GLRB: variants seen among roughly 807,000 people sequenced by gnomAD.
GLRB encodes the protein glycine receptor subunit beta.
Under a neutral mutation model 54.2 loss-of-function variants are expected in GLRB, and 33 were observed. The observed-to-expected ratio is 0.61, with a 90% confidence interval of 0.46 to 0.81. GLRB has a LOEUF of 0.81. GLRB is among the 40% of genes least tolerant of loss of function. The pLI is 0.00. For missense variants in GLRB, 572 were observed against 584.6 expected, an observed-to-expected ratio of 0.98 and a Z score of 0.22; for synonymous variants, 209 against 208.2, an observed-to-expected ratio of 1.00 and a Z score of -0.03.
intron 5 of GLRB, 41 bp from the exon 6 acceptor site, chr4:157,136,763 A>G: frequency 3.3e-6 from 5 of 1,497,164 alleles, no homozygotes; most frequent in Non-Finnish European, 4.7e-6. Flanking sequence ...GATGACAGAG[A>G]AGTATATTAA....
chr4:157,171,055 T>C lies in GLRB; in HGVS notation c.*327T>C, dbSNP rs1196601064. ...AGATAATTCTGATAATAAAATGATA[T>C]GCACGCTGAATCCTGCTATGGTCAC... On this transcript the variant is annotated 3_prime_UTR_variant, in exon 10 of 10. Coordinates refer to ENST00000264428, the MANE Select transcript of GLRB (RefSeq NM_000824.5). 1 of 175,952 alleles carries C rather than the reference T, an allele frequency of 5.7e-6. No individual in the cohort carries two copies. Among genetic ancestry groups the C allele is most frequent in the Non-Finnish European group, 1.2e-5 (1 of 83,286 alleles). 10.9% of individuals were successfully genotyped at this position (175,952 alleles called of 1,614,324 possible). A position where few individuals can be genotyped will look rare whatever the true frequency, so the allele number is the denominator to read the frequency against.
intron 3 of GLRB, 34 bp downstream of exon 3, chr4:157,120,696 T>C: frequency 1.0e-6 from 1 of 983,358 alleles, no homozygotes; most frequent in Non-Finnish European, 1.6e-6. Flanking sequence ...TCATTTTTAT[T>C]GTTTAAAAAT....
intron 2 of GLRB, among the ~76,000 whole-genome samples, chr4:157,107,608 C>T (rs1156834955): frequency 1.3e-5 from 2 of 152,148 alleles, no homozygotes; most frequent in East Asian, 3.9e-4. Flanking sequence ...AGTAAGGAAG[C>T]TGCAGAAGAA....
chr4:157,136,573 GTACAAGT>G lies in GLRB; in HGVS notation c.403_409del (p.Tyr135ValfsTer20). ...ATGCACTGACAGTGGATCCAACAAT[GTACAAGT>G]GTTTATGGAAACCTGATTTATTTTT... On this transcript the variant is annotated frameshift_variant, in exon 5 of 10. Transcript: ENST00000264428. LOFTEE classifies it high-confidence loss of function. The G allele has an allele frequency of 6.2e-7, 1 of 1,611,770 alleles. No individual in the cohort carries two copies. Among genetic ancestry groups the G allele is most frequent in the African/African-American group, 1.3e-5 (1 of 74,984 alleles).
At chr4:157,076,998 C>T (rs1196893854) in intron 1 of GLRB, among the ~76,000 whole-genome samples, 1 of 70,096 alleles carries the variant, frequency 1.4e-5, no homozygotes, top group Non-Finnish European at 3.0e-5. Flanking sequence ...AGATGAAAAA[C>T]ATGACATAAG....
At chr4:157,154,586 T>C (rs548994042) in intron 9 of GLRB, among the ~76,000 whole-genome samples, 1 of 151,752 alleles carries the variant, frequency 6.6e-6, no homozygotes, top group African/African-American at 2.4e-5. Flanking sequence ...TGCCACCATG[T>C]CTGGCTAATT....
intron 9 of GLRB, among the ~76,000 whole-genome samples, chr4:157,157,024 C>T (rs569099571): frequency 3.3e-5 from 5 of 152,264 alleles, no homozygotes; most frequent in African/African-American, 9.6e-5. Context: ...CAGGGTAGAG[C>T]TCCTTGATAC....
intron 9 of GLRB, among the ~76,000 whole-genome samples, chr4:157,158,151 G>T (rs1737310834): frequency 1.3e-5 from 2 of 152,024 alleles, no homozygotes; most frequent in South Asian, 4.1e-4. Flanking sequence ...AGAAGTGTCT[G>T]TTCATATCCT....
intron 2 of GLRB, among the ~76,000 whole-genome samples, chr4:157,103,099 G>A (rs1023109956): frequency 3.3e-5 from 5 of 150,016 alleles, no homozygotes; most frequent in Non-Finnish European, 7.4e-5. Flanking sequence ...GTGGTAAGCT[G>A]AGATCACGCC....
In GLRB at chr4:157,138,890, T is replaced by C. The variant is rs763516130; in HGVS notation, c.692T>C (p.Phe231Ser). 8.0e-6 allele frequency: 12 copies of C among 1,503,810 alleles called. No individual in the cohort carries two copies. The highest frequency in any genetic ancestry group is 1.0e-5 in the Non-Finnish European group (11 of 1,080,456). The allele number at this position is 1,503,810 out of a possible 1,614,324, so 93.2% of individuals were successfully genotyped here. ...TTAGAAAAAATTGCCTTGCCTCAAT[T>C]TGATATCAAAAAGGAAGATATTGAA... is the stretch of plus-strand genomic sequence containing the variant. Reference protein sequence around the residue: ...VQLEKIALPQFDIKKEDIEYG... With the variant: ...VQLEKIALPQSDIKKEDIEYG... Residue 231 changes from phenylalanine to serine, a missense_variant, in exon 7 of 10, where the codon TTT becomes TCT. Transcript: ENST00000264428.
intron 9 of GLRB, among the ~76,000 whole-genome samples, chr4:157,168,494 G>GA (rs941318612): frequency 2.6e-4 from 40 of 150,994 alleles, no homozygotes; most frequent in Middle Eastern, 3.4e-3. Flanking sequence ...AAACTGTCTA[G>GA]AAAAAAAAAT....
chr4:157,109,196 G>A (rs187527724), intron 2 of GLRB, among the ~76,000 whole-genome samples: 3 of 152,054 alleles, frequency 2.0e-5, no homozygotes, highest in Admixed American at 2.0e-4. Flanking sequence ...AGGTATGGCT[G>A]TATTTCCTAT....
chr4:157,102,136 C>T (rs1735054171), intron 2 of GLRB, among the ~76,000 whole-genome samples: 1 of 152,152 alleles, frequency 6.6e-6, no homozygotes, highest in Admixed American at 6.5e-5. Flanking sequence ...TGTATGTATA[C>T]ATACAGTGTG....
chr4:157,115,312 C>G (rs986990590), intron 2 of GLRB, among the ~76,000 whole-genome samples: 2 of 126,712 alleles, frequency 1.6e-5, no homozygotes, highest in African/African-American at 6.5e-5. Context: ...GATACCTGCT[C>G]TTTAAAAAAA....
chr4:157,094,691 C>G (rs1734740532), intron 2 of GLRB, among the ~76,000 whole-genome samples: 1 of 152,040 alleles, frequency 6.6e-6, no homozygotes, highest in Admixed American at 6.6e-5. Flanking sequence ...CAATACACAC[C>G]CACCAGAATG....
At chr4:157,084,438 T>A (rs1399506110) in intron 2 of GLRB, among the ~76,000 whole-genome samples, 3 of 152,174 alleles carry the variant, frequency 2.0e-5, no homozygotes, top group Non-Finnish European at 4.4e-5. Flanking sequence ...CTGCTATTAT[T>A]TACAGTAGTG....
chr4:157,101,739 C>T (rs915390565), intron 2 of GLRB, among the ~76,000 whole-genome samples: 6 of 150,904 alleles, frequency 4.0e-5, no homozygotes, highest in African/African-American at 1.2e-4. Flanking sequence ...TAACCCTACA[C>T]CCATCTCTAG....
chr4:157,094,247 C>T (rs995746770), intron 2 of GLRB, among the ~76,000 whole-genome samples: 4 of 152,130 alleles, frequency 2.6e-5, no homozygotes, highest in African/African-American at 9.7e-5. Context: ...CCAGTGATTA[C>T]CATTCAGTAA....
At chr4:157,152,247 A>G (rs1737047842) in intron 8 of GLRB, among the ~76,000 whole-genome samples, 2 of 152,038 alleles carry the variant, frequency 1.3e-5, no homozygotes, top group Non-Finnish European at 1.5e-5. Context: ...TTTTTTTATT[A>G]TGAACCTTAT....
Sources: gnomAD v4.1 joint callset for allele counts (sites outside exome capture counted in the v4.1 genomes callset) on GRCh38, gnomAD v4.1.1 for gene constraint, MANE v1.5 for transcripts, NCBI Gene and HGNC (gene_info 2026-07-23, HGNC 2026-07-21) for gene names.